The following DNAH6 variants were observed in gnomAD, a reference collection of about 807,000 sequenced individuals.
DNAH6 encodes the protein dynein axonemal heavy chain 6, also known as axonemal beta dynein heavy chain 6.
Under a neutral mutation model 491.4 loss-of-function variants are expected in DNAH6, and 340 were observed. The observed-to-expected ratio is 0.69, with a 90% CI of 0.63 to 0.76. DNAH6 has a LOEUF of 0.76. Among genes scored for constraint, DNAH6 ranks in the 30% least tolerant of loss-of-function variants. The probability of loss-of-function intolerance (pLI) is 0.00; values close to 1 mark genes in which losing one functional copy is unlikely to be tolerated. For synonymous variants in DNAH6, 1,603 were observed against 1,686.1 expected (o/e 0.95, Z 1.21); for missense variants, 4,443 against 4,972.2 (o/e 0.89, Z 3.20).
chr2:84,517,470 A>G (rs909498570), intron 1 of DNAH6, among the ~76,000 whole-genome samples: 1 of 152,294 alleles, frequency 6.6e-6, no homozygotes, highest in African/African-American at 2.4e-5. Flanking sequence ...GAGATGAGAA[A>G]CATTGATCTC....
intron 50 of DNAH6, 43 bp downstream of exon 50, chr2:84,703,605 C>CAGATTAT (rs1696139210): frequency 6.7e-7 from 1 of 1,485,544 alleles, no homozygotes; most frequent in Non-Finnish European, 9.0e-7. Context: ...CTTCTGTCAG[C>CAGATTAT]AACTGATCAC....
intron 57 of DNAH6, among the ~76,000 whole-genome samples, chr2:84,714,993 TTA>T (rs1242814828): frequency 2.0e-5 from 3 of 152,048 alleles, no homozygotes; most frequent in East Asian, 3.9e-4. Flanking sequence ...TCAGAATATA[TTA>T]TAGTAATAAT....
At chr2:84,583,395 A>G (rs6705348) in intron 14 of DNAH6, among the ~76,000 whole-genome samples, 146,857 of 152,306 alleles carry the variant, frequency 0.96, 70,847 homozygotes, top group East Asian at 1. Flanking sequence ...AAAACAGAAA[A>G]AAAGAGGAAA....
At chr2:84,563,359 G>A (rs1313312932) in intron 11 of DNAH6, among the ~76,000 whole-genome samples, 1 of 152,090 alleles carries the variant, frequency 6.6e-6, no homozygotes, top group African/African-American at 2.4e-5. Flanking sequence ...TTGTGTATAA[G>A]CATTCCCTTT....
intron 39 of DNAH6, among the ~76,000 whole-genome samples, chr2:84,671,958 C>T (rs1486460500): frequency 2.0e-5 from 3 of 152,234 alleles, no homozygotes; most frequent in African/African-American, 7.2e-5. Context: ...CATTCTTCCT[C>T]TTCCTACTAT....
chr2:84,615,014 TTTTAAG>T (rs1477201935), intron 22 of DNAH6, among the ~76,000 whole-genome samples: 4 of 151,568 alleles, frequency 2.6e-5, no homozygotes, highest in Non-Finnish European at 5.9e-5. Flanking sequence ...GTGCAGAAGC[TTTTAAG>T]TTTAAGTCCC....
intron 4 of DNAH6, among the ~76,000 whole-genome samples, chr2:84,542,137 C>T (rs899123994): frequency 2.6e-5 from 4 of 152,148 alleles, no homozygotes; most frequent in African/African-American, 9.7e-5. Context: ...ACCACAGCTA[C>T]CATCTTCTAG....
At chr2:84,790,872 A>C (rs1677660850) in intron 68 of DNAH6, among the ~76,000 whole-genome samples, 1 of 152,210 alleles carries the variant, frequency 6.6e-6, no homozygotes, top group African/African-American at 2.4e-5. Flanking sequence ...TACTTAGAAA[A>C]AATTAAAACA....
chr2:84,774,457 GT>G (rs1431965454), intron 64 of DNAH6, among the ~76,000 whole-genome samples: 1 of 152,006 alleles, frequency 6.6e-6, no homozygotes, highest in African/African-American at 2.4e-5. Context: ...TGCTGCTTTG[GT>G]TACTGTAGCC....
chr2:84,568,737 A>T (rs995508793), intron 11 of DNAH6, among the ~76,000 whole-genome samples: 20 of 152,202 alleles, frequency 1.3e-4, no homozygotes, highest in African/African-American at 2.7e-4. Flanking sequence ...ATTTAATTTT[A>T]AAAAAAGAAA....
Position 84,588,942 on chromosome 2 carries a change from G to C in DNAH6, c.2598G>C (p.Gln866His). 6.5e-7 allele frequency: 1 copy of C among 1,545,446 alleles called. No individual in the cohort carries two copies. The highest frequency in any genetic ancestry group is 8.7e-7 in the Non-Finnish European group (1 of 1,145,260). Residue 866 changes from glutamine (Q) to histidine (H), a missense_variant, in exon 16 of 77, where the codon CAG becomes CAC. Physicochemically the swap from Gln to His is conservative, Grantham distance 24 (BLOSUM62 0). This residue lies in a region of DNAH6 where 2,977 missense variants were observed against 3,296.6 expected (regional missense o/e 0.90). Transcript: ENST00000389394. ...QKRAFQYKSY[Q>H]KNFKVEVSKF... is the part of the protein sequence containing the mutation. Reference sequence around the variant, plus strand: ...GTGCATTTCAGTATAAGTCCTATCAGAAGAATTTTAAGGTAATGACAGTTT... The same window carrying C: ...GTGCATTTCAGTATAAGTCCTATCACAAGAATTTTAAGGTAATGACAGTTT...
At chr2:84,698,484 T>C (rs1463193143) in intron 47 of DNAH6, among the ~76,000 whole-genome samples, 3 of 152,244 alleles carry the variant, frequency 2.0e-5, no homozygotes, top group Non-Finnish European at 4.4e-5. Flanking sequence ...GGTAGCTGCC[T>C]CTGCCACAAC....
At chr2:84,664,106 C>T (rs544235743) in intron 37 of DNAH6, among the ~76,000 whole-genome samples, 2 of 152,260 alleles carry the variant, frequency 1.3e-5, no homozygotes, top group South Asian at 4.1e-4. Flanking sequence ...AAGCACTAAA[C>T]ATGGAAAGGA....
chr2:84,686,370 A>G lies in DNAH6; in HGVS notation c.7064-114A>G, dbSNP rs1694257697. 47 of 632,536 alleles carry G rather than the reference A, an allele frequency of 7.4e-5. No homozygotes were observed. In the South Asian group the frequency reaches 9.0e-4, roughly 12 times the overall value. The allele number at this position is 632,536 out of a possible 1,614,324, so 39.2% of individuals were successfully genotyped here. ...CACAGTATTCTCTCAGTTTTTATGTATATTAATTAAGTCTTCTAAGTAAAA... is the reference window on the plus strand; with the variant it reads ...CACAGTATTCTCTCAGTTTTTATGTGTATTAATTAAGTCTTCTAAGTAAAA... On this transcript the variant is annotated intron_variant, in intron 43 of 76. Transcript: ENST00000389394.
intron 4 of DNAH6, among the ~76,000 whole-genome samples, chr2:84,541,954 A>T (rs915549537): frequency 1.1e-4 from 16 of 152,334 alleles, no homozygotes; most frequent in Admixed American, 3.9e-4. Context: ...GATGCTGATG[A>T]TCCAACCTTT....
chr2:84,620,272 T>C (rs1292491191), intron 24 of DNAH6, among the ~76,000 whole-genome samples: 2 of 152,132 alleles, frequency 1.3e-5, no homozygotes, highest in Non-Finnish European at 2.9e-5. Flanking sequence ...AGATGGGGAT[T>C]AGTAATTGTA....
At chr2:84,787,355 G>A in intron 68 of DNAH6, 53 bp downstream of exon 68, 2 of 1,457,904 alleles carry the variant, frequency 1.4e-6, no homozygotes, top group Non-Finnish European at 1.9e-6. Flanking sequence ...AAAGTTGTTG[G>A]TTTACTCCCA....
the DNAH6 span, among the ~76,000 whole-genome samples, chr2:84,499,462 C>T: frequency 3.3e-5 from 5 of 152,174 alleles, no homozygotes; most frequent in African/African-American, 4.8e-5. Context: ...ACTTAGGTTG[C>T]TTCCACATCT....
At position 84,624,335 on chromosome 2, in the gene DNAH6, T is replaced by G; in HGVS notation, c.4142T>G (p.Leu1381Trp). ...TTACACAGAAACATCCTAACTGCAT[T>G]GATTACTATTGATGTGCATGCAAGA... Reference protein sequence around the residue: ...PKLHRNILTALITIDVHARDI... With the variant: ...PKLHRNILTAWITIDVHARDI... Residue 1381 changes from leucine to tryptophan, a missense_variant, in exon 27 of 77, where the codon TTG becomes TGG. Physicochemically the swap from Leu to Trp is moderately conservative, Grantham distance 61. This residue lies in a region of DNAH6 where 2,977 missense variants were observed against 3,296.6 expected (regional missense o/e 0.90). Coordinates refer to ENST00000389394, the MANE Select transcript of DNAH6 (RefSeq NM_001370.2). 1 of 1,551,396 alleles carries G rather than the reference T, an allele frequency of 6.4e-7. No homozygotes were observed. Among genetic ancestry groups the G allele is most frequent in the Non-Finnish European group, 8.7e-7 (1 of 1,146,796 alleles).
Sources: allele counts gnomAD v4.1 joint callset (sites outside exome capture counted in the v4.1 genomes callset), GRCh38; gene constraint gnomAD v4.1.1; regional missense constraint gnomAD v4.1.1; transcripts MANE v1.5; gene names NCBI Gene and HGNC (gene_info 2026-07-23, HGNC 2026-07-21).